Variants in SCAMP5 observed in about 807,000 individuals in gnomAD.
The protein encoded by SCAMP5 is secretory carrier-associated membrane protein 5.
Under a neutral mutation model 28.3 loss-of-function variants are expected in SCAMP5, and 7 were observed. The observed-to-expected ratio is 0.25, with a 90% CI of 0.14 to 0.46. SCAMP5 has a LOEUF of 0.46. Among genes scored for constraint, SCAMP5 ranks in the 20% least tolerant of loss-of-function variants. The pLI is 0.99. For missense variants in SCAMP5, 192 were observed against 312.5 expected (o/e 0.61, Z 2.91); for synonymous variants, 117 against 116.4 (o/e 1.00, Z -0.03).
At position 75,018,057 on chromosome 15, in the gene SCAMP5, GC is replaced by G; in HGVS notation, c.395+88del. ...TTACCTTTGTGTGCTAAGCTGTCTA[GC>G]CTATGGGGCCTGAGTGATGGGTTGT... On this transcript the variant is annotated intron_variant, in intron 5 of 6. Coordinates refer to ENST00000425597, the MANE Select transcript of SCAMP5 (RefSeq NM_138967.4). The surrounding 1 kb of genome is among the most constrained non-coding windows in gnomAD (Gnocchi z 5.6). The G allele has an allele frequency of 1.2e-6, 1 of 800,490 alleles. No individual in the cohort carries two copies. Among genetic ancestry groups the G allele is most frequent in the African/African-American group, 1.7e-5 (1 of 59,148 alleles). The allele number at this position is 800,490 out of a possible 1,614,324, so 49.6% of individuals were successfully genotyped here. A position where few individuals can be genotyped will look rare whatever the true frequency, so the allele number is the denominator to read the frequency against.
At chr15:74,998,740 C>T (rs369307965) in intron 1 of SCAMP5, among the ~76,000 whole-genome samples, 2 of 152,006 alleles carry the variant, frequency 1.3e-5, no homozygotes, top group South Asian at 2.1e-4. Flanking sequence ...TTTCTGTGAC[C>T]CTAGTCTTTT....
chr15:75,015,818 C>G (rs1187543257), intron 3 of SCAMP5, among the ~76,000 whole-genome samples: 1 of 149,626 alleles, frequency 6.7e-6, no homozygotes, highest in Non-Finnish European at 1.5e-5. Flanking sequence ...CCCAGCTACT[C>G]AGGAGGCTGA....
At chr15:75,004,483 A>G (rs888731523) in intron 1 of SCAMP5, among the ~76,000 whole-genome samples, 1 of 152,142 alleles carries the variant, frequency 6.6e-6, no homozygotes, top group African/African-American at 2.4e-5. Context: ...TAATCCCAGC[A>G]CTTTGGGAGG....
At chr15:75,002,512 G>T (rs2065719354) in intron 1 of SCAMP5, among the ~76,000 whole-genome samples, 1 of 151,866 alleles carries the variant, frequency 6.6e-6, no homozygotes, top group African/African-American at 2.4e-5. Flanking sequence ...TATCACTGCT[G>T]TCACCACCAA....
intron 1 of SCAMP5, among the ~76,000 whole-genome samples, chr15:75,003,203 G>C (rs551042124): frequency 1.3e-5 from 2 of 152,200 alleles, no homozygotes; most frequent in African/African-American, 4.8e-5. Flanking sequence ...GATTACAGGC[G>C]TGAGCCATGG....
intron 1 of SCAMP5, among the ~76,000 whole-genome samples, chr15:75,000,549 A>C (rs1044865847): frequency 6.6e-6 from 1 of 151,910 alleles, no homozygotes; most frequent in Non-Finnish European, 1.5e-5. Context: ...AGCCTGGCTA[A>C]TTTTTTGTAT....
intron 3 of SCAMP5, among the ~76,000 whole-genome samples, chr15:75,015,273 T>C (rs977332206): frequency 2.6e-5 from 4 of 152,176 alleles, no homozygotes; most frequent in Admixed American, 2.6e-4. Context: ...AGCAGGTCTT[T>C]GTGGACTTAG....
At chr15:75,013,817 G>C (rs1391109534) in intron 3 of SCAMP5, among the ~76,000 whole-genome samples, 1 of 152,170 alleles carries the variant, frequency 6.6e-6, no homozygotes, top group African/African-American at 2.4e-5. Context: ...GACAGAGTAA[G>C]AGCCTGCCTC....
rs2065901174 is a variant in SCAMP5 at position 75,021,177 on chromosome 15, T to A, written c.*2194T>A. On this transcript the variant is annotated 3_prime_UTR_variant, in exon 7 of 7. Transcript: ENST00000425597. ...CTACCCTTGGGAAGCCTGATCCCGG[T>A]GTGTGGCCCAGCTTGTTCAGGCCCT... The A allele has an allele frequency of 6.6e-6, 1 of 152,288 alleles. No individual in the cohort carries two copies. The highest frequency in any genetic ancestry group is 1.5e-5 in the Non-Finnish European group (1 of 68,146). The allele number at this position is 152,288 out of a possible 1,614,324, so 9.4% of individuals were successfully genotyped here. A position where few individuals can be genotyped will look rare whatever the true frequency, so the allele number is the denominator to read the frequency against.
chr15:75,017,205 A>G (rs2065867103), intron 4 of SCAMP5, among the ~76,000 whole-genome samples: 1 of 151,454 alleles, frequency 6.6e-6, no homozygotes, highest in African/African-American at 2.4e-5. Flanking sequence ...AGGTCATCCA[A>G]CTGTGTGCCA....
intron 3 of SCAMP5, 103 bp downstream of exon 3, chr15:75,012,908 C>A: frequency 8.7e-7 from 1 of 1,146,458 alleles, no homozygotes; most frequent in Non-Finnish European, 1.3e-6. Context: ...GACTGTCCTT[C>A]AGTCCCACTT....
chr15:75,009,847 A>G (rs1294881055), intron 1 of SCAMP5: 1 of 152,202 alleles, frequency 6.6e-6, no homozygotes, highest in Non-Finnish European at 1.5e-5. Flanking sequence ...TTGTAACTGT[A>G]TGCTTGGAGA....
chr15:75,005,344 C>T (rs1006019769), intron 1 of SCAMP5, among the ~76,000 whole-genome samples: 1 of 152,054 alleles, frequency 6.6e-6, no homozygotes, highest in Non-Finnish European at 1.5e-5. Context: ...TGCCTGTAAT[C>T]CCAGCTACTC....
intron 2 of SCAMP5, among the ~76,000 whole-genome samples, chr15:75,012,299 CCAG>C (rs1761011997): frequency 6.6e-6 from 1 of 152,190 alleles, no homozygotes; most frequent in African/African-American, 2.4e-5. Flanking sequence ...ATGATTTGCC[CCAG>C]AGCACAAATG....
rs145800873 is a variant in SCAMP5 at position 74,996,513 on chromosome 15, G to T, written c.-49+840G>T. Among the ~76,000 whole-genome samples the T allele has an allele frequency of 9.5e-4, 144 of 152,316 alleles. 1 individual carries two copies. The highest frequency in any genetic ancestry group is 3.4e-3 in the African/African-American group (140 of 41,568). On this transcript the variant is annotated intron_variant, in intron 1 of 6. Coordinates refer to ENST00000425597, the MANE Select transcript of SCAMP5 (RefSeq NM_138967.4). The surrounding 1 kb of genome is among the most constrained non-coding windows in gnomAD (Gnocchi z 4.1). ...TCCCAGGGACACAGAGAGAAAGGGAGGCGACAGCTAGCGAATAGGAGACTT... is the reference window on the plus strand; with the variant it reads ...TCCCAGGGACACAGAGAGAAAGGGATGCGACAGCTAGCGAATAGGAGACTT...
chr15:75,005,630 A>G (rs1048109297), intron 1 of SCAMP5, among the ~76,000 whole-genome samples: 2 of 152,160 alleles, frequency 1.3e-5, no homozygotes, highest in African/African-American at 2.4e-5. Context: ...GTTTTTTCAT[A>G]ATTATTTTCA....
intron 1 of SCAMP5, among the ~76,000 whole-genome samples, chr15:75,002,525 C>T (rs866833465): frequency 6.6e-6 from 1 of 151,994 alleles, no homozygotes; most frequent in Admixed American, 6.6e-5. Context: ...ACCACCAAAA[C>T]GATTCTTGCT....
At chr15:75,008,199 A>G (rs2065778524) in intron 1 of SCAMP5, among the ~76,000 whole-genome samples, 1 of 151,970 alleles carries the variant, frequency 6.6e-6, no homozygotes, top group African/African-American at 2.4e-5. Flanking sequence ...AGTTTTTGAA[A>G]TATGGAAGTC....
At chr15:75,000,664 G>A (rs1475938587) in intron 1 of SCAMP5, among the ~76,000 whole-genome samples, 1 of 149,402 alleles carries the variant, frequency 6.7e-6, no homozygotes, top group Admixed American at 6.7e-5. Context: ...GATTACAGGC[G>A]TGAGCCATCG....
Sources: gnomAD v4.1 joint callset for allele counts (sites outside exome capture counted in the v4.1 genomes callset) on GRCh38, gnomAD v4.1.1 for gene constraint, Gnocchi (gnomAD v3.1) non-coding constraint, MANE v1.5 for transcripts, NCBI Gene and HGNC (gene_info 2026-07-23, HGNC 2026-07-21) for gene names.